The following ATP10A variants were observed in gnomAD, a reference collection of about 807,000 sequenced individuals.
ATP10A encodes ATPase phospholipid transporting 10A (putative).
ATP10A carries 111 observed loss-of-function variants against 147.8 expected under a neutral mutation model. The observed-to-expected ratio is 0.75, with a 90% CI of 0.64 to 0.88. The LOEUF is 0.88. Ranked by LOEUF, ATP10A falls within the 40% of genes least tolerant of loss-of-function variation. The pLI is 0.00. For missense variants in ATP10A, 1,927 were observed against 1,959.0 expected (o/e 0.98, Z 0.31); for synonymous variants, 875 against 841.6 (o/e 1.04, Z -0.69).
chr15:25,763,375 C>T (rs140763563), intron 2 of ATP10A, among the ~76,000 whole-genome samples: 1 of 152,128 alleles, frequency 6.6e-6, no homozygotes, highest in Non-Finnish European at 1.5e-5. Context: ...TCATCCCAAA[C>T]GACAGCAGAT....
At chr15:25,825,814 C>CA (rs1293861977) in intron 1 of ATP10A, among the ~76,000 whole-genome samples, 1 of 151,556 alleles carries the variant, frequency 6.6e-6, no homozygotes, top group Non-Finnish European at 1.5e-5. Context: ...GACATGCCAA[C>CA]AAATAAGAAA....
intron 1 of ATP10A, among the ~76,000 whole-genome samples, chr15:25,795,471 T>C (rs924124661): frequency 3.9e-5 from 6 of 152,130 alleles, no homozygotes; most frequent in South Asian, 2.1e-4. Context: ...CTATTGTAAA[T>C]AGGAACAAGA....
chr15:25,832,978 ATTC>A (rs1198440039), intron 1 of ATP10A, among the ~76,000 whole-genome samples: 7 of 133,528 alleles, frequency 5.2e-5, no homozygotes, highest in Non-Finnish European at 1.1e-4. Context: ...AATCTATTTT[ATTC>A]TTTTTTTTTT....
rs539081179 is a variant in ATP10A at position 25,818,475 on chromosome 15, A to G, written c.450-37252T>C. Among the ~76,000 whole-genome samples the G allele has an allele frequency of 2.0e-5, 3 of 152,316 alleles. No homozygotes were observed. In the South Asian group the frequency reaches 6.2e-4, roughly 32 times the overall value. On this transcript the variant is annotated intron_variant, in intron 1 of 20. Coordinates refer to ENST00000555815, the MANE Select transcript of ATP10A (RefSeq NM_024490.4). ...ATGACACAAACATGGAAAACATTCC[A>G]TGTTCCATGTTCGTGGACCAGAATA...
intron 1 of ATP10A, among the ~76,000 whole-genome samples, chr15:25,828,562 C>T (rs1032502522): frequency 6.6e-6 from 1 of 152,144 alleles, no homozygotes; most frequent in Non-Finnish European, 1.5e-5. Flanking sequence ...GGGGAAATCA[C>T]ACGGAAATTA....
intron 5 of ATP10A, 124 bp downstream of exon 5, chr15:25,725,827 C>T: frequency 8.4e-7 from 1 of 1,195,978 alleles, no homozygotes. Context: ...CCATGTTGGC[C>T]AGCTGGTCAC....
chr15:25,672,243 C>T, the ATP10A span, among the ~76,000 whole-genome samples: 4 of 152,158 alleles, frequency 2.6e-5, no homozygotes, highest in South Asian at 2.1e-4. Flanking sequence ...GTGCCCGGCC[C>T]GTCCTTTCGT....
intron 15 of ATP10A, among the ~76,000 whole-genome samples, chr15:25,690,793 G>T (rs1322269190): frequency 6.6e-6 from 1 of 152,208 alleles, no homozygotes; most frequent in Non-Finnish European, 1.5e-5. Flanking sequence ...AGTCAAACAT[G>T]AACACCATTT....
chr15:25,779,128 C>T (rs1478926428), intron 2 of ATP10A, among the ~76,000 whole-genome samples: 1 of 152,184 alleles, frequency 6.6e-6, no homozygotes, highest in South Asian at 2.1e-4. Context: ...CCACCCGCCT[C>T]GGCCTCCCAA....
Position 25,735,174 on chromosome 15 carries a change from G to A in ATP10A, c.740+882C>T, listed in dbSNP as rs1047310848. 3.3e-5 allele frequency among the ~76,000 whole-genome samples: 5 copies of A among 152,296 alleles called. No homozygotes were observed. In the South Asian group the frequency reaches 8.3e-4, roughly 25 times the overall value. On this transcript the variant is annotated intron_variant, in intron 3 of 20. Coordinates refer to ENST00000555815, the MANE Select transcript of ATP10A (RefSeq NM_024490.4). ...GGCTGAGCCCACGGGAGGTGGCTGA[G>A]GCATGATAGCTGGAACAGAGCTTGA...
In ATP10A at chr15:25,862,435, A is replaced by T. The variant is rs1442650953; in HGVS notation, c.449+213T>A. On this transcript the variant is annotated intron_variant, in intron 1 of 20. Transcript: ENST00000555815. The stretch of plus-strand genomic sequence containing the variant: ...GGGATCCCCACGCGTCCCCGCATCC[A>T]GGGCGCCCCTTTAGCTGCGGCGGAG... The T allele has an allele frequency of 6.8e-5, 45 of 665,068 alleles. 1 individual carries two copies. The South Asian group carries it at 7.4e-4, about 11-fold the overall frequency. The allele number at this position is 665,068 out of a possible 1,614,324, so 41.2% of individuals were successfully genotyped here. A position where few individuals can be genotyped will look rare whatever the true frequency, so the allele number is the denominator to read the frequency against.
At chr15:25,691,032 C>T (rs1195303719) in intron 15 of ATP10A, among the ~76,000 whole-genome samples, 1 of 152,160 alleles carries the variant, frequency 6.6e-6, no homozygotes, top group Non-Finnish European at 1.5e-5. Flanking sequence ...GATCGAACCA[C>T]TGAGTCAGCA....
Position 25,804,901 on chromosome 15 carries a change from T to A in ATP10A, c.450-23678A>T, listed in dbSNP as rs185016649. Reference sequence around the variant, plus strand: ...TAAAATATGATAGAAATGTGAGAAATTTTAAACATTGGCATTTTAGATTTA... The same window carrying A: ...TAAAATATGATAGAAATGTGAGAAAATTTAAACATTGGCATTTTAGATTTA... On this transcript the variant is annotated intron_variant, in intron 1 of 20. Transcript: ENST00000555815. Among the ~76,000 whole-genome samples, 380 of 152,318 alleles carry A rather than the reference T, an allele frequency of 2.5e-3. 1 individual carries two copies. Among genetic ancestry groups the A allele is most frequent in the African/African-American group, 8.9e-3 (370 of 41,556 alleles).
chr15:25,756,273 A>G (rs1888402107), intron 2 of ATP10A, among the ~76,000 whole-genome samples: 2 of 152,314 alleles, frequency 1.3e-5, no homozygotes, highest in East Asian at 1.9e-4. Context: ...CTGTTTGTCT[A>G]TATGTCTGTA....
At chr15:25,780,711 A>G (rs184190263) in intron 2 of ATP10A, among the ~76,000 whole-genome samples, 1 of 152,312 alleles carries the variant, frequency 6.6e-6, no homozygotes, top group African/African-American at 2.4e-5. Flanking sequence ...ACAGCTAGGT[A>G]CGTGTTGACC....
chr15:25,796,971 C>T (rs974358731), intron 1 of ATP10A, among the ~76,000 whole-genome samples: 4 of 152,126 alleles, frequency 2.6e-5, no homozygotes, highest in African/African-American at 7.2e-5. Context: ...TCTCACATAC[C>T]GATCTTTTTT....
intron 10 of ATP10A, chr15:25,708,879 T>C (rs1317177707): frequency 6.5e-6 from 1 of 154,200 alleles, no homozygotes; most frequent in Admixed American, 6.4e-5. Flanking sequence ...AGGATTTGTT[T>C]GTCTGAAATT....
At chr15:25,731,644 G>T (rs1314944303) in intron 3 of ATP10A, among the ~76,000 whole-genome samples, 1 of 152,130 alleles carries the variant, frequency 6.6e-6, no homozygotes, top group Non-Finnish European at 1.5e-5. Context: ...GCTAAGGAGT[G>T]AGTGCTGGGA....
At chr15:25,751,452 A>G (rs1268005115) in intron 2 of ATP10A, among the ~76,000 whole-genome samples, 1 of 152,156 alleles carries the variant, frequency 6.6e-6, no homozygotes, top group Non-Finnish European at 1.5e-5. Flanking sequence ...ACCTAAAAAC[A>G]GCAGAATGCA....
Sources: allele counts gnomAD v4.1 joint callset (sites outside exome capture counted in the v4.1 genomes callset), GRCh38; gene constraint gnomAD v4.1.1; transcripts MANE v1.5; gene names NCBI Gene and HGNC (gene_info 2026-07-23, HGNC 2026-07-21).